The following DAB1 variants were observed in gnomAD, a reference collection of about 807,000 sequenced individuals.
The protein encoded by DAB1 is DAB adaptor protein 1.
DAB1 carries 15 observed loss-of-function variants against 64.6 expected under a neutral mutation model. That is an observed-to-expected ratio of 0.23 (90% confidence interval 0.16 to 0.36). The LOEUF (loss-of-function observed/expected upper bound fraction) is 0.36. Among genes scored for constraint, DAB1 ranks in the 10% least tolerant of loss-of-function variants. The probability of loss-of-function intolerance (pLI) is 1.00; values close to 1 mark genes in which losing one functional copy is unlikely to be tolerated. For synonymous variants in DAB1, 235 were observed against 251.9 expected, an observed-to-expected ratio of 0.93 and a Z score of 0.64; for missense variants, 596 against 706.7, an observed-to-expected ratio of 0.84 and a Z score of 1.78.
chr1:58,388,348 T>C (rs981315974), intron 3 of DAB1, among the ~76,000 whole-genome samples: 6 of 152,188 alleles, frequency 3.9e-5, no homozygotes, highest in African/African-American at 1.4e-4. Flanking sequence ...AGCCAATAGA[T>C]GTTAAGTAAA....
At chr1:57,304,315 A>ACCTCCCCCCCCCCCC (rs1337792909) in intron 1 of DAB1, among the ~76,000 whole-genome samples, 1 of 149,800 alleles carries the variant, frequency 6.7e-6, no homozygotes, top group Non-Finnish European at 1.5e-5. Flanking sequence ...TGAGAAATCC[A>ACCTCCCCCCCCCCCC]CCTCCCCCCC....
At chr1:57,427,782 A>C (rs1685345279), upstream of DAB1, among the ~76,000 whole-genome samples, 1 of 152,218 alleles carries the variant, frequency 6.6e-6, no homozygotes, top group Non-Finnish European at 1.5e-5. Flanking sequence ...ATACATATAC[A>C]TTGTAAAATA....
At chr1:58,452,947 C>T (rs928115616) in intron 3 of DAB1, among the ~76,000 whole-genome samples, 2 of 152,000 alleles carry the variant, frequency 1.3e-5, no homozygotes, top group African/African-American at 4.8e-5. Context: ...AGTATATTCA[C>T]ACAAAATCCT....
At chr1:58,151,178 C>T (rs1245684617) in intron 4 of DAB1, among the ~76,000 whole-genome samples, 4 of 152,158 alleles carry the variant, frequency 2.6e-5, no homozygotes, top group African/African-American at 9.7e-5. Flanking sequence ...TTTATAGCAG[C>T]ATGATTTATA....
intron 7 of DAB1, among the ~76,000 whole-genome samples, chr1:57,493,995 A>AT (rs1644198714): frequency 6.6e-6 from 1 of 152,186 alleles, no homozygotes; most frequent in Non-Finnish European, 1.5e-5. Context: ...TTCAGCTTAA[A>AT]TATGGTAAAA....
At chr1:57,909,895 C>T (rs1644615012) in intron 5 of DAB1, among the ~76,000 whole-genome samples, 1 of 152,130 alleles carries the variant, frequency 6.6e-6, no homozygotes, top group Non-Finnish European at 1.5e-5. Context: ...TCATGTTAAG[C>T]CGGACAGTGC....
At chr1:58,054,866 T>C (rs1647958751) in intron 5 of DAB1, among the ~76,000 whole-genome samples, 1 of 152,122 alleles carries the variant, frequency 6.6e-6, no homozygotes, top group Non-Finnish European at 1.5e-5. Context: ...AGGACGAAGA[T>C]GAGATTCTGT....
Position 57,835,372 on chromosome 1 carries a change from G to A in DAB1, n.88-8917C>T, listed in dbSNP as rs573077025. 2.6e-5 allele frequency among the ~76,000 whole-genome samples: 4 copies of A among 152,308 alleles called. No homozygotes were observed. The East Asian group carries it at 5.8e-4, about 22-fold the overall frequency. On this transcript the variant is annotated intron_variant and non_coding_transcript_variant, in intron 1 of 1. Transcript: ENST00000477280. Reference sequence around the variant, plus strand: ...GCTATCATCAACCCTGTTTTCAGATGAGGAAACTGACTCATTGAAAAATTG... The same window carrying A: ...GCTATCATCAACCCTGTTTTCAGATAAGGAAACTGACTCATTGAAAAATTG...
At chr1:57,354,763 T>C (rs559674135) in intron 1 of DAB1, among the ~76,000 whole-genome samples, 4 of 152,218 alleles carry the variant, frequency 2.6e-5, no homozygotes, top group East Asian at 3.9e-4. Context: ...GTTAGACTCA[T>C]GCATAAGAGC....
intron 3 of DAB1, among the ~76,000 whole-genome samples, chr1:58,470,828 G>A (rs1645349411): frequency 1.3e-5 from 2 of 151,926 alleles, no homozygotes; most frequent in South Asian, 2.1e-4. Flanking sequence ...CTCCCTACTC[G>A]GCTGCCCAGT....
chr1:57,974,151 C>T (rs372221985), intron 5 of DAB1, among the ~76,000 whole-genome samples: 5 of 152,242 alleles, frequency 3.3e-5, no homozygotes, highest in African/African-American at 1.2e-4. Flanking sequence ...AACCTCATCC[C>T]CAGATTTTCA....
At chr1:58,295,139 T>C (rs1457518337) in intron 4 of DAB1, among the ~76,000 whole-genome samples, 1 of 152,126 alleles carries the variant, frequency 6.6e-6, no homozygotes, top group East Asian at 1.9e-4. Flanking sequence ...TGTGATTTTC[T>C]GTTGCTCCTG....
rs528463798 is a variant in DAB1 at position 57,901,279 on chromosome 1, C to T, written n.388-17117G>A. ...CGCCTTCCATTCCCCACACCTGCTG[C>T]GGGTTCCCAATTAATAACCGCAGAA... On this transcript the variant is annotated intron_variant and non_coding_transcript_variant, in intron 5 of 20. Coordinates refer to the DAB1 transcript ENST00000485760. Among the ~76,000 whole-genome samples, 202 of 152,202 alleles carry T rather than the reference C, an allele frequency of 1.3e-3. 2 individuals carry two copies. Among genetic ancestry groups the T allele is most frequent in the South Asian group, 3.5e-3 (17 of 4,820 alleles).
intron 2 of DAB1, among the ~76,000 whole-genome samples, chr1:57,163,560 C>T (rs532848167): frequency 6.6e-6 from 1 of 151,848 alleles, no homozygotes; most frequent in South Asian, 2.1e-4. Context: ...TGGAAAGCCA[C>T]GCTGGTGGTG....
intron 1 of DAB1, among the ~76,000 whole-genome samples, chr1:57,398,045 G>T (rs1469635593): frequency 6.6e-6 from 1 of 152,124 alleles, no homozygotes; most frequent in African/African-American, 2.4e-5. Flanking sequence ...TGGTAAAATT[G>T]TTAACAACAA....
intron 3 of DAB1, among the ~76,000 whole-genome samples, chr1:58,431,523 A>C (rs1161835904): frequency 7.0e-6 from 1 of 141,986 alleles, no homozygotes; most frequent in Non-Finnish European, 1.5e-5. Context: ...ACGCCACTGC[A>C]CTCCAGCCTG....
At chr1:58,332,564 CTTG>C (rs1262345686) in intron 4 of DAB1, among the ~76,000 whole-genome samples, 9 of 152,178 alleles carry the variant, frequency 5.9e-5, no homozygotes, top group South Asian at 2.1e-4. Context: ...ATTAAAAATA[CTTG>C]TTGTTAAAAA....
intron 2 of DAB1, among the ~76,000 whole-genome samples, chr1:57,243,511 A>T (rs778132351): frequency 1.3e-5 from 2 of 151,918 alleles, no homozygotes; most frequent in Non-Finnish European, 2.9e-5. Context: ...GCTAGGAATG[A>T]GGAGGGGAGA....
intron 4 of DAB1, among the ~76,000 whole-genome samples, chr1:58,195,338 A>C (rs909575516): frequency 6.6e-6 from 1 of 152,226 alleles, no homozygotes; most frequent in Non-Finnish European, 1.5e-5. Context: ...GATGAGCAAG[A>C]ATTTGATACC....
Sources: allele counts gnomAD v4.1 joint callset (sites outside exome capture counted in the v4.1 genomes callset), GRCh38; gene constraint gnomAD v4.1.1; transcripts MANE v1.5; gene names NCBI Gene and HGNC (gene_info 2026-07-23, HGNC 2026-07-21).